The following HFE variants were observed in gnomAD, a reference collection of about 807,000 sequenced individuals.
The protein encoded by HFE is homeostatic iron regulator.
HFE carries 36 observed loss-of-function variants against 40.9 expected under a neutral mutation model. The ratio of observed to expected loss-of-function variants is 0.88; its 90% confidence interval spans 0.67 to 1.16. HFE has a LOEUF of 1.16. HFE is among the 50% of genes most tolerant of loss of function. The pLI is 0.00. For synonymous variants in HFE, 157 were observed against 165.4 expected (o/e 0.95, Z 0.39); for missense variants, 376 against 432.0 (o/e 0.87, Z 1.15).
rs1581673132 is a variant in HFE, at chr6:26,093,204, C to T, written c.978C>T (p.Phe326=). The T allele has an allele frequency of 6.2e-7, 1 of 1,613,610 alleles. No homozygotes were observed. Among genetic ancestry groups the T allele is most frequent in the South Asian group, 1.1e-5 (1 of 91,070 alleles). ...TCATCTTGTTCATTGGAATTTTGTT[C>T]ATAATATTAAGGAAGAGGCAGGGTT... ...FVVILFIGIL[F]IILRKRQGSR... Residue 326 remains phenylalanine (F), a synonymous_variant, in exon 5 of 6, where the codon TTC becomes TTT. Transcript: ENST00000357618.
At chr6:26,089,106 T>TGGGG (rs576461485) in intron 1 of HFE, among the ~76,000 whole-genome samples, 1 of 5,858 alleles carries the variant, frequency 1.7e-4, no homozygotes, top group African/African-American at 5.4e-4. Flanking sequence ...TGTGTGTGTG[T>TGGGG]GTGGGGGGGG....
At chr6:26,092,561 G>T in intron 3 of HFE, 124 bp from the exon 4 acceptor site, 1 of 1,574,436 alleles carries the variant, frequency 6.4e-7, no homozygotes, top group Non-Finnish European at 8.7e-7. Context: ...TGTCTCTCCT[G>T]TAGCTTGTTT....
Position 26,094,664 on chromosome 6 carries a change from T to C in HFE, c.*438T>C. On this transcript the variant is annotated 3_prime_UTR_variant, in exon 6 of 6. Transcript: ENST00000357618. Reference sequence around the variant, plus strand: ...TAACCTTACCAGATTTTTACACATGTATCTATGCATTTTCTGGACCCGTTC... The same window carrying C: ...TAACCTTACCAGATTTTTACACATGCATCTATGCATTTTCTGGACCCGTTC... The C allele has an allele frequency of 1.7e-6, 1 of 573,558 alleles. No individual in the cohort carries two copies. The highest frequency in any genetic ancestry group is 3.1e-6 in the Non-Finnish European group (1 of 321,152). The allele number at this position is 573,558 out of a possible 1,614,324, so 35.5% of individuals were successfully genotyped here.
Position 26,094,296 on chromosome 6 carries a change from G to C in HFE, c.*70G>C, listed in dbSNP as rs1762922058. The stretch of plus-strand genomic sequence containing the variant: ...ACTCAAAGAGGGAGTGCATTTATGA[G>C]CTCTTCATGTTTCAGGAGAGAGTTG... On this transcript the variant is annotated 3_prime_UTR_variant, in exon 6 of 6. Coordinates refer to ENST00000357618, the MANE Select transcript of HFE (RefSeq NM_000410.4). 1 of 1,390,132 alleles carries C rather than the reference G, an allele frequency of 7.2e-7. No homozygotes were observed. The highest frequency in any genetic ancestry group is 1.0e-6 in the Non-Finnish European group (1 of 977,900). 86.1% of individuals were successfully genotyped at this position (1,390,132 alleles called of 1,614,324 possible).
rs1266063683 is a variant in HFE at position 26,087,668 on chromosome 6, C to T, written c.76+152C>T. ...CTCCCTACTTTCTGCGTCCAGACCC[C>T]GTGAGGGAGTGCCTACCACTGAACT... On this transcript the variant is annotated intron_variant, in intron 1 of 5. Transcript: ENST00000357618. 7.5e-6 allele frequency: 5 copies of T among 668,018 alleles called. No individual in the cohort carries two copies. The East Asian group carries it at 1.1e-4, about 15-fold the overall frequency. 41.4% of individuals were successfully genotyped at this position (668,018 alleles called of 1,614,324 possible).
chr6:26,092,982 G>A lies in HFE; in HGVS notation c.892+22G>A. On this transcript the variant is annotated intron_variant, in intron 4 of 5. Transcript: ENST00000357618. ...TGGGGTATGTGACTGATGAGAGCCA[G>A]GAGCTGAGAAAATCTATTGGGGGTT... The A allele has an allele frequency of 2.5e-6, 4 of 1,613,954 alleles. No homozygotes were observed. In the South Asian group the frequency reaches 3.3e-5, roughly 13 times the overall value.
At chr6:26,093,893 A>G (rs948160556) in intron 5 of HFE, among the ~76,000 whole-genome samples, 2 of 152,010 alleles carry the variant, frequency 1.3e-5, no homozygotes, top group African/African-American at 4.8e-5. Flanking sequence ...ACAGAGTCCA[A>G]GGGTCTTTTG....
In HFE at chr6:26,098,271, G is replaced by T. The variant is rs932845133; in HGVS notation, c.*4045G>T. ...TAGAAGAGATAGATATGGTGGATTT[G>T]GAGTTGATACTTATATATTTTCTAT... On this transcript the variant is annotated 3_prime_UTR_variant, in exon 6 of 6. Transcript: ENST00000357618. 3 of 152,136 alleles carry T rather than the reference G, an allele frequency of 2.0e-5. No individual in the cohort carries two copies. Among genetic ancestry groups the T allele is most frequent in the African/African-American group, 7.2e-5 (3 of 41,418 alleles). 9.4% of individuals were successfully genotyped at this position (152,136 alleles called of 1,614,324 possible).
intron 1 of HFE, among the ~76,000 whole-genome samples, chr6:26,089,295 GAAAA>G (rs949197148): frequency 2.6e-5 from 4 of 152,064 alleles, no homozygotes; most frequent in Non-Finnish European, 5.9e-5. Context: ...AGCTCGGGTT[GAAAA>G]AAATAAACAA....
rs945769842 is a variant in HFE at position 26,090,994 on chromosome 6, G to C, written c.230G>C (p.Ser77Thr). The C allele has an allele frequency of 8.1e-6, 13 of 1,614,090 alleles. No homozygotes were observed. Among genetic ancestry groups the C allele is most frequent in the African/African-American group, 8.0e-5 (6 of 74,920 alleles). Residue 77 changes from serine to threonine, a missense_variant, in exon 2 of 6, where the codon AGT becomes ACT. By Grantham distance (58) the Ser-to-Thr change is moderately conservative (BLOSUM62 1). Around this residue, in one of 3 missense-constraint regions of HFE, gnomAD observed 200 missense variants for 228.5 expected, o/e 0.88. Transcript: ENST00000357618. ...RVEPRTPWVS[S>T]RISSQMWLQL... ...GAGCCCCGAACTCCATGGGTTTCCA[G>C]TAGAATTTCAAGCCAGATGTGGCTG...
rs758101547 is a variant in HFE, at chr6:26,096,394, A to G, written c.*2168A>G. The G allele has an allele frequency of 2.2e-6, 1 of 453,264 alleles. No homozygotes were observed. Among genetic ancestry groups the G allele is most frequent in the South Asian group, 1.6e-5 (1 of 64,288 alleles). The allele number at this position is 453,264 out of a possible 1,614,324, so 28.1% of individuals were successfully genotyped here. A position where few individuals can be genotyped will look rare whatever the true frequency, so the allele number is the denominator to read the frequency against. On this transcript the variant is annotated 3_prime_UTR_variant, in exon 6 of 6. Transcript: ENST00000357618. Reference sequence around the variant, plus strand: ...CGTGATCCGCCTGCCTCGGCCTCCCAAAGTGCTGAGATTACAGGTGTGAGC... The same window carrying G: ...CGTGATCCGCCTGCCTCGGCCTCCCGAAGTGCTGAGATTACAGGTGTGAGC...
At chr6:26,089,109 G>T (rs1462277525) in intron 1 of HFE, among the ~76,000 whole-genome samples, 6 of 21,596 alleles carry the variant, frequency 2.8e-4, no homozygotes, top group Admixed American at 8.9e-4. Context: ...GTGTGTGTGT[G>T]GGGGGGGGGG....
chr6:26,087,537 C>G, intron 1 of HFE, 21 bp downstream of exon 1: 1 of 1,603,546 alleles, frequency 6.2e-7, no homozygotes, highest in South Asian at 1.1e-5. Context: ...GGGCTGCGGG[C>G]GAACTAGGGG....
In HFE at chr6:26,093,979, GA is replaced by G. The variant is rs113095040; in HGVS notation, c.1007-205del. On this transcript the variant is annotated intron_variant, in intron 5 of 5. Transcript: ENST00000357618. ...AGGACCACGATCTCCCTTATATGGTGAATGTGTTGTTAAGAAGTTAGATGAG... is the reference window on the plus strand; with the variant it reads ...AGGACCACGATCTCCCTTATATGGTGATGTGTTGTTAAGAAGTTAGATGAG... 4.8e-3 allele frequency among the ~76,000 whole-genome samples: 731 copies of G among 152,274 alleles called. 2 individuals carry two copies. Among genetic ancestry groups the G allele is most frequent in the Middle Eastern group, 0.017 (5 of 294 alleles).
At chr6:26,087,777 C>T (rs752323653) in intron 1 of HFE, among the ~76,000 whole-genome samples, 2 of 152,342 alleles carry the variant, frequency 1.3e-5, no homozygotes, top group Non-Finnish European at 2.9e-5. Flanking sequence ...ACCGCCCACT[C>T]CCTTCCCCCA....
At position 26,090,963 on chromosome 6, in the gene HFE, C is replaced by G; in HGVS notation, c.199C>G (p.Arg67Gly). Reference sequence around the variant, plus strand: ...CGTGTTCTATGATCATGAGAGTCGCCGTGTGGAGCCCCGAACTCCATGGGT... The same window carrying G: ...CGTGTTCTATGATCATGAGAGTCGCGGTGTGGAGCCCCGAACTCCATGGGT... ...LFVFYDHESR[R>G]VEPRTPWVSS... Residue 67 changes from arginine (R) to glycine (G), a missense_variant, in exon 2 of 6, where the codon CGT (arginine) becomes GGT (glycine). Transcript: ENST00000357618. The G allele has an allele frequency of 6.2e-7, 1 of 1,614,064 alleles. No homozygotes were observed. Among genetic ancestry groups the G allele is most frequent in the South Asian group, 1.1e-5 (1 of 91,074 alleles).
chr6:26,091,561 G>A lies in HFE; in HGVS notation c.588G>A (p.Glu196=), dbSNP rs2113754094. 2 of 1,613,620 alleles carry A rather than the reference G, an allele frequency of 1.2e-6. No individual in the cohort carries two copies. The highest frequency in any genetic ancestry group is 1.7e-4 in the Middle Eastern group (1 of 5,736). The part of the protein sequence containing the change: ...DCPAQLQQLL[E]LGRGVLDQQV... ...CTGCACAGCTGCAGCAGTTGCTGGAGCTGGGGAGAGGTGTTTTGGACCAAC... is the reference window on the plus strand; with the variant it reads ...CTGCACAGCTGCAGCAGTTGCTGGAACTGGGGAGAGGTGTTTTGGACCAAC... Residue 196 remains glutamate, a synonymous_variant, in exon 3 of 6, where the codon GAG becomes GAA. Coordinates refer to ENST00000357618, the MANE Select transcript of HFE (RefSeq NM_000410.4).
chr6:26,096,339 G>C lies in HFE; in HGVS notation c.*2113G>C. ...AGTAGAGACAGGGTTTCACCATGTT[G>C]GCCAGGCTGGTCTCGAACTCTCCTG... On this transcript the variant is annotated 3_prime_UTR_variant, in exon 6 of 6. Transcript: ENST00000357618. 5.1e-6 allele frequency: 2 copies of C among 394,452 alleles called. No homozygotes were observed. The highest frequency in any genetic ancestry group is 3.7e-5 in the South Asian group (2 of 54,276). 24.4% of individuals were successfully genotyped at this position (394,452 alleles called of 1,614,324 possible).
Position 26,092,913 on chromosome 6 carries a change from G to T in HFE, c.845G>T (p.Cys282Phe). ...CCTGGGGAAGAGCAGAGATATACGT[G>T]CCAGGTGGAGCACCCAGGCCTGGAT... Reference protein sequence around the residue: ...VPPGEEQRYTCQVEHPGLDQP... With the variant: ...VPPGEEQRYTFQVEHPGLDQP... The change falls in exon 4 of 6, where the codon TGC becomes TTC. Residue 282 changes from cysteine (C) to phenylalanine (F), a missense_variant. Cys to Phe is a radical substitution (Grantham distance 205). Transcript: ENST00000357618. 1 of 1,614,152 alleles carries T rather than the reference G, an allele frequency of 6.2e-7. No homozygotes were observed. Among genetic ancestry groups the T allele is most frequent in the African/African-American group, 1.3e-5 (1 of 75,040 alleles).
Sources: gnomAD v4.1 joint callset for allele counts (sites outside exome capture counted in the v4.1 genomes callset) on GRCh38, gnomAD v4.1.1 for gene constraint, gnomAD v4.1.1 regional missense constraint, MANE v1.5 for transcripts, NCBI Gene and HGNC (gene_info 2026-07-23, HGNC 2026-07-21) for gene names.